The following PTTG1IP variants were observed in gnomAD, a reference collection of about 807,000 sequenced individuals.
PTTG1IP encodes pituitary tumor-transforming gene 1 protein-interacting protein.
PTTG1IP carries 16 observed loss-of-function variants against 24.4 expected under a neutral mutation model. The observed-to-expected ratio is 0.66, with a 90% CI of 0.44 to 1.00. The LOEUF is 1.00. Ranked by LOEUF, PTTG1IP falls within the 50% of genes least tolerant of loss-of-function variation. The pLI is 0.00. For missense variants in PTTG1IP, 241 were observed against 245.8 expected, an observed-to-expected ratio of 0.98 and a Z score of 0.13; for synonymous variants, 89 against 96.8, an observed-to-expected ratio of 0.92 and a Z score of 0.47.
rs969017076 is a variant in PTTG1IP at position 44,851,299 on chromosome 21, G to A, written c.*282C>T. On this transcript the variant is annotated 3_prime_UTR_variant, in exon 6 of 6. Coordinates refer to ENST00000330938, the MANE Select transcript of PTTG1IP (RefSeq NM_004339.4). ...TCAGGCGGCTTCGTGTGCAGTTAGC[G>A]TTTCACAAACTGAGAAGAGTATAAA... The A allele has an allele frequency of 5.3e-5, 77 of 1,450,524 alleles. No individual in the cohort carries two copies. The highest frequency in any genetic ancestry group is 6.6e-5 in the Non-Finnish European group (72 of 1,094,894). 89.9% of individuals were successfully genotyped at this position (1,450,524 alleles called of 1,614,324 possible).
rs759424576 is a variant in PTTG1IP, at chr21:44,873,504, G to T, written c.113C>A (p.Ala38Asp). ...CCCGCCCGCCCCGGCGCCCTCACCA[G>T]CTCCGGGAGGCTCCTGCGCGGCGGC... ...PVAAAQEPPG[A>D]ACSQNTNKTC... is the part of the protein sequence containing the mutation. Residue 38 changes from alanine to aspartate, a missense_variant and splice_region_variant, in exon 1 of 6, where the codon GCT (alanine) becomes GAT (aspartate). Transcript: ENST00000330938. 5.5e-6 allele frequency: 8 copies of T among 1,447,092 alleles called. No homozygotes were observed. In the South Asian group the frequency reaches 1.1e-4, roughly 19 times the overall value. The allele number at this position is 1,447,092 out of a possible 1,614,324, so 89.6% of individuals were successfully genotyped here.
At chr21:44,871,729 C>T (rs928360914) in intron 1 of PTTG1IP, among the ~76,000 whole-genome samples, 1 of 152,190 alleles carries the variant, frequency 6.6e-6, no homozygotes, top group Non-Finnish European at 1.5e-5. Context: ...CTATAAATAG[C>T]CCCTCTCTCC....
At chr21:44,857,401 C>A (rs1441387986) in intron 3 of PTTG1IP, among the ~76,000 whole-genome samples, 1 of 152,140 alleles carries the variant, frequency 6.6e-6, no homozygotes, top group African/African-American at 2.4e-5. Context: ...GTGGGAGGAT[C>A]GCTTGAGCTT....
At chr21:44,857,916 CAGA>C (rs1209475082) in intron 3 of PTTG1IP, among the ~76,000 whole-genome samples, 1 of 152,208 alleles carries the variant, frequency 6.6e-6, no homozygotes, top group South Asian at 2.1e-4. Flanking sequence ...CCTTCATTGG[CAGA>C]AGATGTCATT....
chr21:44,869,740 A>G (rs191748158), intron 1 of PTTG1IP, among the ~76,000 whole-genome samples: 14 of 152,354 alleles, frequency 9.2e-5, no homozygotes, highest in African/African-American at 3.4e-4. Flanking sequence ...TATTCCTTCA[A>G]CTTTCTGCGC....
chr21:44,864,913 C>T (rs1052673951), intron 2 of PTTG1IP, among the ~76,000 whole-genome samples: 17 of 152,192 alleles, frequency 1.1e-4, no homozygotes, highest in Admixed American at 9.2e-4. Flanking sequence ...AACCTGAGCC[C>T]CAGGTCACGA....
At chr21:44,855,063 G>A (rs912506266) in intron 5 of PTTG1IP, 147 bp downstream of exon 5, 29 of 772,982 alleles carry the variant, frequency 3.8e-5, no homozygotes, top group Middle Eastern at 3.4e-4. Flanking sequence ...GGGGACAACC[G>A]CCAGCTGCTC....
At chr21:44,861,501 G>A (rs551672503) in intron 2 of PTTG1IP, among the ~76,000 whole-genome samples, 30 of 152,238 alleles carry the variant, frequency 2.0e-4, no homozygotes, top group African/African-American at 6.7e-4. Flanking sequence ...CAAGGCCCGC[G>A]TCACTCAGGC....
intron 1 of PTTG1IP, among the ~76,000 whole-genome samples, chr21:44,870,179 G>C (rs879494855): frequency 3.3e-5 from 5 of 152,120 alleles, no homozygotes; most frequent in Non-Finnish European, 5.9e-5. Flanking sequence ...CAGTCCTCAT[G>C]AAAATAACAT....
chr21:44,861,670 G>C, intron 2 of PTTG1IP: 2 of 713,314 alleles, frequency 2.8e-6, no homozygotes, highest in Non-Finnish European at 2.6e-6. Context: ...GACTGGATGG[G>C]CCCTGCCTCG....
At chr21:44,851,913 T>C (rs944242481) in intron 5 of PTTG1IP, among the ~76,000 whole-genome samples, 2 of 152,258 alleles carry the variant, frequency 1.3e-5, no homozygotes, top group African/African-American at 2.4e-5. Flanking sequence ...CAAGTATTTC[T>C]TTCCACAGTG....
intron 1 of PTTG1IP, chr21:44,872,788 T>C (rs1828031024): frequency 6.6e-6 from 1 of 152,368 alleles, no homozygotes; most frequent in Non-Finnish European, 1.5e-5. Context: ...ATAGGAGCTC[T>C]GGCTGTCGGT....
chr21:44,856,223 C>A lies in PTTG1IP; in HGVS notation c.419G>T (p.Arg140Leu). Residue 140 changes from arginine to leucine, a missense_variant, in exon 4 of 6, where the codon CGG (arginine) becomes CTG (leucine). Physicochemically the swap from Arg to Leu is moderately radical, Grantham distance 102 (BLOSUM62 -2). Coordinates refer to ENST00000330938, the MANE Select transcript of PTTG1IP (RefSeq NM_004339.4). ...CTCCTGCCGTATCCGCCTCTCCTCC[C>A]GCTCACGCATGGCCTTCTCCTCACT... ...DRSEEKAMRE[R>L]EERRIRQEER... 2 of 1,614,176 alleles carry A rather than the reference C, an allele frequency of 1.2e-6. No homozygotes were observed. Among genetic ancestry groups the A allele is most frequent in the African/African-American group, 1.3e-5 (1 of 75,042 alleles).
chr21:44,868,425 G>A (rs556175894), intron 1 of PTTG1IP, among the ~76,000 whole-genome samples: 144 of 152,304 alleles, frequency 9.5e-4, no homozygotes, highest in Middle Eastern at 3.4e-3. Context: ...TGGTTTCTAC[G>A]TGCTGTTCCC....
At chr21:44,867,073 C>T (rs947624437) in intron 1 of PTTG1IP, among the ~76,000 whole-genome samples, 1 of 152,200 alleles carries the variant, frequency 6.6e-6, no homozygotes, top group Non-Finnish European at 1.5e-5. Flanking sequence ...AGATGTCACT[C>T]TGTAGGAGGG....
chr21:44,859,049 C>G (rs1472248413), intron 3 of PTTG1IP, among the ~76,000 whole-genome samples: 1 of 152,246 alleles, frequency 6.6e-6, no homozygotes, highest in Non-Finnish European at 1.5e-5. Context: ...CCGGCACCAA[C>G]ACAACACCGC....
intron 3 of PTTG1IP, among the ~76,000 whole-genome samples, chr21:44,857,381 G>C (rs765628486): frequency 6.6e-6 from 1 of 152,176 alleles, no homozygotes; most frequent in Non-Finnish European, 1.5e-5. Flanking sequence ...CAGCGACATG[G>C]GAGGCTGAGG....
chr21:44,863,067 G>A (rs1433670819), intron 2 of PTTG1IP, among the ~76,000 whole-genome samples: 2 of 135,654 alleles, frequency 1.5e-5, no homozygotes, highest in Admixed American at 1.4e-4. Context: ...CAGACACACA[G>A]CCCGCCACGG....
chr21:44,854,127 A>G (rs2083431192), intron 5 of PTTG1IP, among the ~76,000 whole-genome samples: 1 of 152,218 alleles, frequency 6.6e-6, no homozygotes, highest in Non-Finnish European at 1.5e-5. Flanking sequence ...GGCGCCGCTC[A>G]CAGTGGCTGC....
Sources: gnomAD v4.1 joint callset for allele counts (sites outside exome capture counted in the v4.1 genomes callset) on GRCh38, gnomAD v4.1.1 for gene constraint, MANE v1.5 for transcripts, NCBI Gene and HGNC (gene_info 2026-07-23, HGNC 2026-07-21) for gene names.